CNTN5: variants seen among roughly 807,000 people sequenced by gnomAD.
The protein encoded by CNTN5 is contactin 5.
CNTN5 carries 77 observed loss-of-function variants against 129.1 expected under a neutral mutation model. That is an observed-to-expected ratio of 0.60 (90% CI 0.50 to 0.72). The LOEUF is 0.72. CNTN5 is among the 30% of genes least tolerant of loss of function. CNTN5 has a pLI of 0.00. For missense variants in CNTN5, 1,478 were observed against 1,328.8 expected, an observed-to-expected ratio of 1.11 and a Z score of -1.75; for synonymous variants, 509 against 465.6, an observed-to-expected ratio of 1.09 and a Z score of -1.20.
chr11:99,995,484 G>C (rs1418089018), intron 8 of CNTN5, among the ~76,000 whole-genome samples: 3 of 152,086 alleles, frequency 2.0e-5, no homozygotes, highest in Non-Finnish European at 4.4e-5. Context: ...CACATAAAAT[G>C]GTTTTCTCGC....
chr11:99,966,638 C>T (rs1264959870), intron 8 of CNTN5, among the ~76,000 whole-genome samples: 2 of 152,186 alleles, frequency 1.3e-5, no homozygotes, highest in South Asian at 4.1e-4. Flanking sequence ...GTTGCAGTAG[C>T]ATTTGTAGGA....
At chr11:99,370,084 G>A (rs1055125110) in intron 2 of CNTN5, among the ~76,000 whole-genome samples, 3 of 152,040 alleles carry the variant, frequency 2.0e-5, no homozygotes, top group Non-Finnish European at 4.4e-5. Flanking sequence ...ACCAAACAGA[G>A]GAATTTCATA....
intron 1 of CNTN5, among the ~76,000 whole-genome samples, chr11:99,154,876 GC>G (rs1860256491): frequency 6.6e-6 from 1 of 152,098 alleles, no homozygotes; most frequent in African/African-American, 2.4e-5. Context: ...TCACCCTCAG[GC>G]TAAAGTCTCC....
chr11:99,825,576 A>G (rs1303999709), intron 4 of CNTN5, among the ~76,000 whole-genome samples: 1 of 151,984 alleles, frequency 6.6e-6, no homozygotes, highest in Non-Finnish European at 1.5e-5. Context: ...TTGTGGTAAA[A>G]AGGATATCAC....
intron 8 of CNTN5, among the ~76,000 whole-genome samples, chr11:99,988,080 C>T (rs1482831588): frequency 6.6e-6 from 1 of 152,152 alleles, no homozygotes; most frequent in Admixed American, 6.5e-5. Context: ...CTCCTTTGAA[C>T]CATATCATAC....
intron 1 of CNTN5, chr11:99,049,445 T>C (rs1864338836): frequency 1.3e-5 from 2 of 152,168 alleles, no homozygotes; most frequent in South Asian, 4.1e-4. Context: ...CATGTGCTAG[T>C]TACTCCAGAC....
chr11:100,116,254 C>G (rs887784105), intron 13 of CNTN5, among the ~76,000 whole-genome samples: 1 of 151,968 alleles, frequency 6.6e-6, no homozygotes, highest in Admixed American at 6.6e-5. Context: ...CAACAAACAG[C>G]AGTTTTATAT....
chr11:99,676,072 G>A (rs1249171900), intron 3 of CNTN5, among the ~76,000 whole-genome samples: 1 of 152,126 alleles, frequency 6.6e-6, no homozygotes, highest in Non-Finnish European at 1.5e-5. Context: ...TTTCGAATGG[G>A]ATAATATGTA....
intron 4 of CNTN5, among the ~76,000 whole-genome samples, chr11:99,842,716 A>C (rs1434260226): frequency 6.6e-6 from 1 of 152,224 alleles, no homozygotes; most frequent in African/African-American, 2.4e-5. Flanking sequence ...TTTGATTTAT[A>C]AAAGTTGTGA....
chr11:99,303,492 C>T (rs981371910), intron 1 of CNTN5, among the ~76,000 whole-genome samples: 7 of 150,502 alleles, frequency 4.7e-5, no homozygotes, highest in African/African-American at 1.7e-4. Flanking sequence ...ATAATTATAT[C>T]TAGCTTGTGA....
intron 2 of CNTN5, among the ~76,000 whole-genome samples, chr11:99,391,353 C>T (rs1214991893): frequency 1.3e-5 from 2 of 152,054 alleles, no homozygotes; most frequent in Non-Finnish European, 2.9e-5. Context: ...TCATCTAATT[C>T]CATTTCTAGC....
chr11:99,830,734 C>T (rs1315664940), intron 4 of CNTN5, among the ~76,000 whole-genome samples: 1 of 152,060 alleles, frequency 6.6e-6, no homozygotes, highest in Non-Finnish European at 1.5e-5. Flanking sequence ...CTTTATTCTG[C>T]TATTGTAGTC....
At chr11:99,999,153 A>G (rs1316785420) in intron 8 of CNTN5, among the ~76,000 whole-genome samples, 1 of 152,020 alleles carries the variant, frequency 6.6e-6, no homozygotes, top group Non-Finnish European at 1.5e-5. Context: ...AAAATTGACA[A>G]ATGGGATCTA....
intron 9 of CNTN5, among the ~76,000 whole-genome samples, chr11:100,028,810 A>C (rs1032819792): frequency 6.6e-6 from 1 of 152,194 alleles, no homozygotes. Context: ...ATTGGGAATA[A>C]TTTGTTAGTT....
At chr11:100,336,971 A>C in intron 21 of CNTN5, 2 of 733,692 alleles carry the variant, frequency 2.7e-6, no homozygotes, top group Non-Finnish European at 5.0e-6. Context: ...AAAAGAAATC[A>C]AGAGCCAGAG....
intron 1 of CNTN5, among the ~76,000 whole-genome samples, chr11:99,203,245 A>T (rs1221091698): frequency 6.6e-6 from 1 of 152,182 alleles, no homozygotes; most frequent in Non-Finnish European, 1.5e-5. Flanking sequence ...TGCTTATGCA[A>T]TCATGTTGGT....
chr11:99,924,399 C>T (rs949625459), intron 7 of CNTN5, among the ~76,000 whole-genome samples: 2 of 151,958 alleles, frequency 1.3e-5, no homozygotes, highest in African/African-American at 2.4e-5. Flanking sequence ...GTATGTAATC[C>T]ATCTTGAGTT....
intron 1 of CNTN5, among the ~76,000 whole-genome samples, chr11:99,031,665 T>C (rs1160472067): frequency 6.6e-6 from 1 of 152,082 alleles, no homozygotes; most frequent in Non-Finnish European, 1.5e-5. Flanking sequence ...GGAATTGATA[T>C]TTCACCTGAA....
intron 8 of CNTN5, among the ~76,000 whole-genome samples, chr11:99,975,343 C>A (rs1937875489): frequency 6.6e-6 from 1 of 152,046 alleles, no homozygotes; most frequent in Admixed American, 6.6e-5. Context: ...GCCTGTAGCC[C>A]CTTGGTTTTG....
Sources: allele counts gnomAD v4.1 joint callset (sites outside exome capture counted in the v4.1 genomes callset), GRCh38; gene constraint gnomAD v4.1.1; transcripts MANE v1.5; gene names NCBI Gene and HGNC (gene_info 2026-07-23, HGNC 2026-07-21).